The following SCN2A variants were observed in gnomAD, a reference collection of about 807,000 sequenced individuals.
The protein encoded by SCN2A is sodium voltage-gated channel alpha subunit 2, also known as sodium channel protein type 2 subunit alpha.
A neutral mutation model predicts 188.7 loss-of-function variants in SCN2A; 20 were observed. That is an observed-to-expected ratio of 0.11 (90% CI 0.07 to 0.15). SCN2A has a LOEUF of 0.15. Ranked by LOEUF, SCN2A falls within the 10% of genes least tolerant of loss-of-function variation. The pLI, the probability that SCN2A is intolerant of heterozygous loss-of-function variation, is 1.00. For synonymous variants in SCN2A, 804 were observed against 833.1 expected (o/e 0.97, Z 0.60); for missense variants, 1,278 against 2,445.0 (o/e 0.52, Z 10.07).
chr2:165,306,094 A>T (rs1697111219), intron 3 of SCN2A, among the ~76,000 whole-genome samples: 1 of 152,184 alleles, frequency 6.6e-6, no homozygotes, highest in Non-Finnish European at 1.5e-5. Context: ...CTCAATGTGG[A>T]AAAGTTTGTT....
chr2:165,244,819 A>C (rs1421825432), intron 1 of SCN2A, among the ~76,000 whole-genome samples: 25 of 152,096 alleles, frequency 1.6e-4, no homozygotes, highest in Admixed American at 1.6e-3. Context: ...GAACATGAAC[A>C]TGTCTTGGTG....
At position 165,303,565 on chromosome 2, in the gene SCN2A, G is replaced by A. The variant is rs184770680; in HGVS notation, c.387-4283G>A. On this transcript the variant is annotated intron_variant, in intron 3 of 26. Coordinates refer to ENST00000375437, the MANE Select transcript of SCN2A (RefSeq NM_001040142.2). ...GCTGGGATTACAGGCGTGAGCCACCGCGCCTGGCCATATTTGAGTATTTTT... is the reference window on the plus strand; with the variant it reads ...GCTGGGATTACAGGCGTGAGCCACCACGCCTGGCCATATTTGAGTATTTTT... 3.3e-5 allele frequency among the ~76,000 whole-genome samples: 5 copies of A among 152,122 alleles called. No homozygotes were observed. In the South Asian group the frequency reaches 6.2e-4, roughly 19 times the overall value.
intron 19 of SCN2A, among the ~76,000 whole-genome samples, chr2:165,369,427 G>C (rs959588300): frequency 6.6e-6 from 1 of 152,136 alleles, no homozygotes; most frequent in African/African-American, 2.4e-5. Flanking sequence ...TTAGGTCCTT[G>C]TATGGAGCTC....
intron 21 of SCN2A, among the ~76,000 whole-genome samples, chr2:165,374,243 A>G (rs1701194813): frequency 6.6e-6 from 1 of 152,212 alleles, no homozygotes; most frequent in East Asian, 1.9e-4. Flanking sequence ...AAAGGTATCA[A>G]TCTTTCAGTA....
At chr2:165,291,426 G>GTCTTTCTTTC (rs1171511116) in intron 1 of SCN2A, among the ~76,000 whole-genome samples, 20 of 87,090 alleles carry the variant, frequency 2.3e-4, no homozygotes, top group African/African-American at 7.3e-4. Flanking sequence ...CTCCCTGTCT[G>GTCTTTCTTTC]TCTTTCTTTC....
intron 1 of SCN2A, among the ~76,000 whole-genome samples, chr2:165,291,863 CCAAT>C (rs966756091): frequency 4.6e-5 from 7 of 151,814 alleles, no homozygotes; most frequent in Non-Finnish European, 1.0e-4. Context: ...TTAGGAGAGG[CCAAT>C]CAAAGACGGC....
At chr2:165,331,735 CAA>C (rs1283358031) in intron 14 of SCN2A, among the ~76,000 whole-genome samples, 167 bp downstream of exon 14, 1 of 152,048 alleles carries the variant, frequency 6.6e-6, no homozygotes, top group African/African-American at 2.4e-5. Context: ...TACCATAGTG[CAA>C]AAGAGTCAAA....
chr2:165,389,899 A>T lies in SCN2A; in HGVS notation c.*75A>T. The T allele has an allele frequency of 6.5e-7, 1 of 1,535,500 alleles. No homozygotes were observed. Among genetic ancestry groups the T allele is most frequent in the Non-Finnish European group, 8.7e-7 (1 of 1,146,478 alleles). ...ATGGTGATGTGTTTGTGTCAACAGG[A>T]CTCCCACAGGAGGTCTATGCCAAAC... On this transcript the variant is annotated 3_prime_UTR_variant, in exon 27 of 27. Coordinates refer to ENST00000375437, the MANE Select transcript of SCN2A (RefSeq NM_001040142.2). The surrounding 1 kb of genome is among the most constrained non-coding windows in gnomAD (Gnocchi z 4.2).
Position 165,373,362 on chromosome 2 carries a change from C to T in SCN2A, c.3972+15C>T, listed in dbSNP as rs750300260. 1.2e-6 allele frequency: 2 copies of T among 1,612,636 alleles called. No individual in the cohort carries two copies. Among genetic ancestry groups the T allele is most frequent in the Admixed American group, 1.7e-5 (1 of 59,942 alleles). On this transcript the variant is annotated intron_variant, in intron 21 of 26. Coordinates refer to ENST00000375437, the MANE Select transcript of SCN2A (RefSeq NM_001040142.2). Reference sequence around the variant, plus strand: ...AAGGAATGAGGGTAAGACTGAATGCCTTAGAGTTTGTCAGAATTATTATTG... The same window carrying T: ...AAGGAATGAGGGTAAGACTGAATGCTTTAGAGTTTGTCAGAATTATTATTG...
At chr2:165,372,183 C>A (rs957622091) in intron 20 of SCN2A, 1 of 152,090 alleles carries the variant, frequency 6.6e-6, no homozygotes, top group Admixed American at 6.5e-5. Flanking sequence ...AAGGGACTTA[C>A]AAAGCCTAAG....
In SCN2A at chr2:165,345,965, T is replaced by C. The variant is rs371548942; in HGVS notation, c.2919+1054T>C. ...AATGATTTTATTTCTCCTTTGCTTA[T>C]GAAGCTTAGTTTGGCTGGATATGAA... On this transcript the variant is annotated intron_variant, in intron 16 of 26. Coordinates refer to ENST00000375437, the MANE Select transcript of SCN2A (RefSeq NM_001040142.2). Among the ~76,000 whole-genome samples the C allele has an allele frequency of 3.8e-4, 58 of 152,346 alleles. No homozygotes were observed. The South Asian group carries it at 0.012, about 30-fold the overall frequency.
chr2:165,279,903 A>G (rs1318368504), intron 1 of SCN2A, among the ~76,000 whole-genome samples: 1 of 152,188 alleles, frequency 6.6e-6, no homozygotes, highest in Non-Finnish European at 1.5e-5. Flanking sequence ...GTGATAGTGA[A>G]TAAGTCTCAT....
chr2:165,329,992 ATT>A (rs71728810), intron 13 of SCN2A, among the ~76,000 whole-genome samples: 2,935 of 152,304 alleles, frequency 0.019, 89 homozygotes, highest in African/African-American at 0.064. Context: ...CAATAAATTA[ATT>A]TACTTAGGAA....
At chr2:165,240,031 C>G (rs1693546577) in intron 1 of SCN2A, 1 of 152,198 alleles carries the variant, frequency 6.6e-6, no homozygotes. Flanking sequence ...CAGGGCTGAG[C>G]CTTCTGATTG....
intron 16 of SCN2A, among the ~76,000 whole-genome samples, chr2:165,351,539 A>G (rs6744911): frequency 0.29 from 43,409 of 151,428 alleles, 6,439 homozygotes; most frequent in East Asian, 0.39. Flanking sequence ...TGCAAACATC[A>G]CAATTAGGAG....
chr2:165,384,088 CTAGG>C (rs1394617860), intron 25 of SCN2A, among the ~76,000 whole-genome samples: 1 of 151,838 alleles, frequency 6.6e-6, no homozygotes, highest in Non-Finnish European at 1.5e-5. Flanking sequence ...ACATAGTGGT[CTAGG>C]GTAGCTTTAG....
In SCN2A at chr2:165,336,855, C is replaced by T. The variant is rs114412860; in HGVS notation, c.2388+5287C>T. ...ACCTTTCATAATGCTGTATTAACTTCTAGAAGATAGATTTCCAGGATTGAA... is the reference window on the plus strand; with the variant it reads ...ACCTTTCATAATGCTGTATTAACTTTTAGAAGATAGATTTCCAGGATTGAA... On this transcript the variant is annotated intron_variant, in intron 14 of 26. Transcript: ENST00000375437. Among the ~76,000 whole-genome samples, 1,357 of 151,986 alleles carry T rather than the reference C, an allele frequency of 8.9e-3. 10 individuals carry two copies. Among genetic ancestry groups the T allele is most frequent in the Non-Finnish European group, 0.011 (755 of 67,872 alleles).
intron 16 of SCN2A, among the ~76,000 whole-genome samples, chr2:165,345,225 G>A (rs1297342699): frequency 6.6e-6 from 1 of 152,068 alleles, no homozygotes; most frequent in Non-Finnish European, 1.5e-5. Flanking sequence ...TTATTTATAA[G>A]TACTAGCAAT....
chr2:165,313,337 C>T (rs984368576), intron 8 of SCN2A, among the ~76,000 whole-genome samples: 8 of 152,006 alleles, frequency 5.3e-5, no homozygotes, highest in Admixed American at 6.6e-5. Context: ...GCCCTTAAGT[C>T]CCAGAAGATA....
Sources: allele counts gnomAD v4.1 joint callset (sites outside exome capture counted in the v4.1 genomes callset), GRCh38; gene constraint gnomAD v4.1.1; non-coding constraint Gnocchi (gnomAD v3.1); transcripts MANE v1.5; gene names NCBI Gene and HGNC (gene_info 2026-07-23, HGNC 2026-07-21).